The following E2F7 variants were observed in gnomAD, a reference collection of about 807,000 sequenced individuals.
E2F7 encodes E2F transcription factor 7, also known as transcription factor E2F7.
A neutral mutation model predicts 81.1 loss-of-function variants in E2F7; 35 were observed. The ratio of observed to expected loss-of-function variants is 0.43; its 90% confidence interval spans 0.33 to 0.57. The LOEUF (loss-of-function observed/expected upper bound fraction) is 0.57. Among genes scored for constraint, E2F7 ranks in the 20% least tolerant of loss-of-function variants. The pLI, the probability that E2F7 is intolerant of heterozygous loss-of-function variation, is 0.04. For missense variants in E2F7, 961 were observed against 1,093.7 expected, an observed-to-expected ratio of 0.88 and a Z score of 1.71; for synonymous variants, 416 against 416.2, an observed-to-expected ratio of 1.00 and a Z score of 0.01.
At chr12:77,029,404 T>A (rs192985221) in intron 10 of E2F7, among the ~76,000 whole-genome samples, 1 of 152,176 alleles carries the variant, frequency 6.6e-6, no homozygotes, top group Non-Finnish European at 1.5e-5. Flanking sequence ...TGAAGAGAAG[T>A]GACCAAGCAT....
intron 7 of E2F7, among the ~76,000 whole-genome samples, chr12:77,040,429 C>T (rs1033100851): frequency 5.9e-5 from 9 of 152,148 alleles, no homozygotes; most frequent in South Asian, 4.1e-4. Context: ...GGCAGAGTAC[C>T]GCCTGATTCA....
chr12:77,028,832 T>C (rs1954780790), intron 10 of E2F7, among the ~76,000 whole-genome samples: 1 of 152,218 alleles, frequency 6.6e-6, no homozygotes, highest in Non-Finnish European at 1.5e-5. Context: ...AGGTAGCATA[T>C]AGCTGCGTGC....
chr12:77,064,825 A>G (rs1453611014), intron 1 of E2F7, among the ~76,000 whole-genome samples, 190 bp from the exon 2 acceptor site: 3 of 152,220 alleles, frequency 2.0e-5, no homozygotes, highest in Non-Finnish European at 4.4e-5. Context: ...TCAAACACCT[A>G]AAGTGTGCTT....
chr12:77,043,923 TCA>T (rs1239442223), intron 6 of E2F7, among the ~76,000 whole-genome samples: 1 of 152,194 alleles, frequency 6.6e-6, no homozygotes, highest in Non-Finnish European at 1.5e-5. Context: ...CCACTTGACC[TCA>T]GTGTTAAGAT....
chr12:77,063,095 G>A (rs147164763), intron 2 of E2F7, among the ~76,000 whole-genome samples: 35 of 152,236 alleles, frequency 2.3e-4, no homozygotes, highest in African/African-American at 7.5e-4. Context: ...TTTGTCCAGC[G>A]TATTTGCACG....
In E2F7 at chr12:77,046,114, T is replaced by C. The variant is rs375866107; in HGVS notation, c.753A>G (p.Gly251=). Residue 251 remains glycine (G), a synonymous_variant, in exon 5 of 13, where the codon GGA becomes GGG. Coordinates refer to ENST00000322886, the MANE Select transcript of E2F7 (RefSeq NM_203394.3). ...CTGGATCACCATCTTTTTTACGTTC[T>C]CCAAATTTATAATCTATCAGGTCCA... The part of the protein sequence containing the change: ...KELDLIDYKF[G]ERKKDGDPDS... 2.9e-5 allele frequency: 47 copies of C among 1,614,092 alleles called. No homozygotes were observed. Among genetic ancestry groups the C allele is most frequent in the Non-Finnish European group, 4.0e-5 (47 of 1,180,042 alleles).
intron 6 of E2F7, chr12:77,044,113 A>T (rs1954918778): frequency 4.6e-6 from 1 of 219,180 alleles, no homozygotes; most frequent in Non-Finnish European, 9.8e-6. Flanking sequence ...CTTACAGGCT[A>T]CCAGCAGCCC....
At chr12:77,031,837 T>C (rs914070920) in intron 9 of E2F7, among the ~76,000 whole-genome samples, 3 of 152,110 alleles carry the variant, frequency 2.0e-5, no homozygotes, top group African/African-American at 2.4e-5. Context: ...AGATGAGTCA[T>C]CTCTCCAATC....
rs767013724 is a variant in E2F7, at chr12:77,025,748, G to C, written c.2375C>G (p.Ala792Gly). Residue 792 changes from alanine (A) to glycine (G), a missense_variant, in exon 12 of 13, where the codon GCC (alanine) becomes GGC (glycine). This residue lies in a region of E2F7 where 587 missense variants were observed against 620.3 expected (regional missense o/e 0.95). Coordinates refer to ENST00000322886, the MANE Select transcript of E2F7 (RefSeq NM_203394.3). ...AGCTGTGGGGCCGACGAGAAGCTGG[G>C]CTATTGATCCAAGGCCAGGCAAGCT... is the stretch of plus-strand genomic sequence containing the variant. ...NFSLPGLGSI[A>G]QLLVGPTAVV... 3.7e-6 allele frequency: 6 copies of C among 1,614,172 alleles called. No individual in the cohort carries two copies. The highest frequency in any genetic ancestry group is 2.2e-5 in the East Asian group (1 of 44,878).
At chr12:77,036,989 T>C (rs112671833) in intron 7 of E2F7, among the ~76,000 whole-genome samples, 30,253 of 152,046 alleles carry the variant, frequency 0.2, 3,597 homozygotes, top group Non-Finnish European at 0.25. Context: ...GACCTCGTGA[T>C]CCACCCGCCT....
intron 11 of E2F7, 55 bp from the exon 12 acceptor site, chr12:77,026,037 T>G (rs1954756751): frequency 2.6e-6 from 4 of 1,510,818 alleles, no homozygotes; most frequent in Admixed American, 4.3e-5. Flanking sequence ...GAGGATATCA[T>G]TCAAGCTCAC....
chr12:77,028,616 C>T (rs539917999), intron 10 of E2F7, among the ~76,000 whole-genome samples: 6 of 152,008 alleles, frequency 3.9e-5, no homozygotes, highest in Non-Finnish European at 5.9e-5. Flanking sequence ...TAGAGGTGCC[C>T]GCCACCACAC....
In E2F7 at chr12:77,056,093, T is replaced by A. The variant is rs1955029950; in HGVS notation, c.131A>T (p.Lys44Met). The change falls in exon 3 of 13, where the codon AAG becomes ATG. Residue 44 changes from lysine (K) to methionine (M), a missense_variant. By Grantham distance (95) the Lys-to-Met change is moderately conservative. Transcript: ENST00000322886. ...IFVDRSRMAP[K>M]TPIKNEPIDL... ...AATTGGTTCATTTTTTATTGGAGTC[T>A]TCGGGGCCATCCTTGATCGATCAAC... is the stretch of plus-strand genomic sequence containing the variant. The A allele has an allele frequency of 6.2e-7, 1 of 1,613,486 alleles. No individual in the cohort carries two copies. Among genetic ancestry groups the A allele is most frequent in the Non-Finnish European group, 8.5e-7 (1 of 1,179,890 alleles).
rs1954825757 is a variant in E2F7, at chr12:77,033,844, C to T, written c.1309+13G>A. On this transcript the variant is annotated intron_variant, in intron 8 of 12. Transcript: ENST00000322886. ...CAACTGATGGACTCCATAGATTATG[C>T]AAGGGCAGATACCTTGTTCTTCTCT... 3 of 1,582,876 alleles carry T rather than the reference C, an allele frequency of 1.9e-6. No individual in the cohort carries two copies. In the African/African-American group the frequency reaches 4.1e-5, roughly 22 times the overall value.
rs932166648 is a variant in E2F7 at position 77,023,964 on chromosome 12, T to A, written c.*51A>T. The A allele has an allele frequency of 4.4e-6, 7 of 1,591,598 alleles. No individual in the cohort carries two copies. In the African/African-American group the frequency reaches 8.1e-5, roughly 18 times the overall value. ...GATGGTTTGCATCCCGCCTCGGACA[T>A]CCGGGACTCTCAGGGCGTTTGATCC... is the stretch of plus-strand genomic sequence containing the variant. On this transcript the variant is annotated 3_prime_UTR_variant, in exon 13 of 13. Transcript: ENST00000322886.
chr12:77,042,879 T>C (rs1290889809), intron 7 of E2F7, among the ~76,000 whole-genome samples, 186 bp downstream of exon 7: 1 of 152,174 alleles, frequency 6.6e-6, no homozygotes, highest in Non-Finnish European at 1.5e-5. Flanking sequence ...TTTCCTACCA[T>C]GTGTGGGCAA....
At chr12:77,058,697 C>T (rs947496959) in intron 2 of E2F7, among the ~76,000 whole-genome samples, 1 of 152,102 alleles carries the variant, frequency 6.6e-6, no homozygotes, top group Non-Finnish European at 1.5e-5. Context: ...ATAAAAATAC[C>T]AATCTCAAGG....
At chr12:77,034,603 C>G (rs1954833591) in intron 7 of E2F7, among the ~76,000 whole-genome samples, 1 of 152,168 alleles carries the variant, frequency 6.6e-6, no homozygotes, top group African/African-American at 2.4e-5. Flanking sequence ...TGCTGCAGAA[C>G]AGTGAGATAA....
rs182789382 is a variant in E2F7 at position 77,024,291 on chromosome 12, C to T, written c.2566-106G>A. 4 of 1,252,366 alleles carry T rather than the reference C, an allele frequency of 3.2e-6. No homozygotes were observed. The East Asian group carries it at 7.8e-5, about 24-fold the overall frequency. 77.6% of individuals were successfully genotyped at this position (1,252,366 alleles called of 1,614,324 possible). A position where few individuals can be genotyped will look rare whatever the true frequency, so the allele number is the denominator to read the frequency against. On this transcript the variant is annotated intron_variant, in intron 12 of 12. Transcript: ENST00000322886. The stretch of plus-strand genomic sequence containing the variant: ...CTGTGTGTTAGGATCCCAAGGCAGG[C>T]GTTCCTTCTTCTTTGCTTTCTTATC...
Sources: allele counts gnomAD v4.1 joint callset (sites outside exome capture counted in the v4.1 genomes callset), GRCh38; gene constraint gnomAD v4.1.1; regional missense constraint gnomAD v4.1.1; transcripts MANE v1.5; gene names NCBI Gene and HGNC (gene_info 2026-07-23, HGNC 2026-07-21).